Variants in TMTC2 observed in about 807,000 individuals in gnomAD.
TMTC2 encodes the protein transmembrane O-mannosyltransferase targeting cadherins 2.
A neutral mutation model predicts 82.4 loss-of-function variants in TMTC2; 43 were observed. The observed-to-expected ratio is 0.52, with a 90% confidence interval of 0.41 to 0.67. TMTC2 has a LOEUF of 0.67. Ranked by LOEUF, TMTC2 falls within the 30% of genes least tolerant of loss-of-function variation. The probability of loss-of-function intolerance (pLI) is 0.00; values close to 1 mark genes in which losing one functional copy is unlikely to be tolerated. For synonymous variants in TMTC2, 408 were observed against 381.9 expected (o/e 1.07, Z -0.80); for missense variants, 919 against 1,012.4 (o/e 0.91, Z 1.25).
At chr12:82,942,059 T>C (rs532058455) in intron 4 of TMTC2, among the ~76,000 whole-genome samples, 7 of 152,328 alleles carry the variant, frequency 4.6e-5, no homozygotes, top group African/African-American at 1.7e-4. Context: ...GATTTTGAAA[T>C]ATAGTCTTAC....
At chr12:83,081,675 A>G (rs1883474399) in intron 11 of TMTC2, among the ~76,000 whole-genome samples, 3 of 152,212 alleles carry the variant, frequency 2.0e-5, no homozygotes, top group South Asian at 4.1e-4. Context: ...TCCCCTACAT[A>G]TAGATAAAGC....
intron 1 of TMTC2, among the ~76,000 whole-genome samples, chr12:82,729,702 G>A (rs1874666616): frequency 2.0e-5 from 3 of 152,220 alleles, no homozygotes; most frequent in African/African-American, 7.2e-5. Flanking sequence ...GATGTGGGTG[G>A]GGCCAGATAG....
Position 82,947,544 on chromosome 12 carries a change from G to GTTAGCCAGGA in TMTC2, c.1598+17000_1598+17001insTAGCCAGGAT, listed in dbSNP as rs1565822887. Among the ~76,000 whole-genome samples, 77 of 146,438 alleles carry GTTAGCCAGGA rather than the reference G, an allele frequency of 5.3e-4. 1 individual carries two copies. The highest frequency in any genetic ancestry group is 2.1e-3 in the African/African-American group (75 of 36,572). ...TTTTTAGTAGAGACGGGGTTTCACCGTGGTCTCGATCTCCTGACCTGGTGA... is the reference window on the plus strand; with the variant it reads ...TTTTTAGTAGAGACGGGGTTTCACCGTTAGCCAGGATGGTCTCGATCTCCTGACCTGGTGA... On this transcript the variant is annotated intron_variant, in intron 4 of 11. Coordinates refer to ENST00000321196, the MANE Select transcript of TMTC2 (RefSeq NM_152588.3).
At chr12:82,755,876 A>C (rs1200243403) in intron 1 of TMTC2, among the ~76,000 whole-genome samples, 2 of 151,984 alleles carry the variant, frequency 1.3e-5, no homozygotes, top group African/African-American at 4.8e-5. Flanking sequence ...AAAATAAAAT[A>C]GGGGTTTTTA....
chr12:82,743,834 G>A (rs1193601037), intron 1 of TMTC2, among the ~76,000 whole-genome samples: 7 of 152,084 alleles, frequency 4.6e-5, no homozygotes, highest in African/African-American at 1.7e-4. Context: ...TGACTCTGTT[G>A]TCCTAATGCA....
At chr12:82,711,168 A>G (rs1873600392) in intron 1 of TMTC2, among the ~76,000 whole-genome samples, 1 of 152,192 alleles carries the variant, frequency 6.6e-6, no homozygotes, top group African/African-American at 2.4e-5. Flanking sequence ...TTGGGCTTTC[A>G]CCTCTGTAAA....
intron 10 of TMTC2, among the ~76,000 whole-genome samples, chr12:83,059,005 A>T (rs998385055): frequency 1.1e-4 from 17 of 151,952 alleles, no homozygotes; most frequent in Middle Eastern, 3.4e-3. Flanking sequence ...GAAATAATCT[A>T]TTCCTGGATA....
At chr12:82,807,021 T>C (rs992950487) in intron 1 of TMTC2, among the ~76,000 whole-genome samples, 1 of 152,160 alleles carries the variant, frequency 6.6e-6, no homozygotes, top group Non-Finnish European at 1.5e-5. Context: ...GCTCCTAACA[T>C]GTACGATTGA....
At chr12:83,032,240 ATAT>A (rs1881457233) in intron 9 of TMTC2, among the ~76,000 whole-genome samples, 1 of 143,444 alleles carries the variant, frequency 7.0e-6, no homozygotes, top group African/African-American at 2.6e-5. Flanking sequence ...GTTTCCTATA[ATAT>A]TATAGAGAAT....
intron 8 of TMTC2, among the ~76,000 whole-genome samples, chr12:82,989,605 T>G (rs1879314661): frequency 1.3e-5 from 2 of 152,080 alleles, no homozygotes; most frequent in South Asian, 2.1e-4. Flanking sequence ...AAATTAAACT[T>G]AAATTTCCAT....
intron 1 of TMTC2, among the ~76,000 whole-genome samples, chr12:82,711,667 A>T (rs900127175): frequency 2.0e-5 from 3 of 152,208 alleles, no homozygotes; most frequent in Non-Finnish European, 4.4e-5. Flanking sequence ...AAAAAAAATG[A>T]AAACAGATGG....
At chr12:82,839,233 A>G (rs2137086995) in intron 1 of TMTC2, among the ~76,000 whole-genome samples, 1 of 152,302 alleles carries the variant, frequency 6.6e-6, no homozygotes, top group East Asian at 1.9e-4. Flanking sequence ...CAGAGGGGAA[A>G]CCATTAGAAG....
intron 11 of TMTC2, among the ~76,000 whole-genome samples, chr12:83,065,820 A>T (rs975660231): frequency 1.1e-4 from 16 of 151,972 alleles, no homozygotes; most frequent in Non-Finnish European, 1.5e-5. Flanking sequence ...GCATTAACTT[A>T]TGGATTTTTA....
intron 1 of TMTC2, among the ~76,000 whole-genome samples, chr12:82,762,755 TAA>T (rs1876722324): frequency 6.6e-6 from 1 of 152,212 alleles, no homozygotes. Flanking sequence ...CTGTGAATTT[TAA>T]AAGTGGATAT....
At chr12:82,860,020 C>T (rs867329293) in intron 2 of TMTC2, among the ~76,000 whole-genome samples, 1 of 152,136 alleles carries the variant, frequency 6.6e-6, no homozygotes, top group Non-Finnish European at 1.5e-5. Flanking sequence ...GTCGCCTAGG[C>T]TGGAGTGCAG....
At chr12:82,988,083 T>G (rs1054557451) in intron 8 of TMTC2, among the ~76,000 whole-genome samples, 3 of 152,160 alleles carry the variant, frequency 2.0e-5, no homozygotes, top group Non-Finnish European at 4.4e-5. Context: ...TGCATAAAAG[T>G]ACTGGGCAAA....
intron 4 of TMTC2, among the ~76,000 whole-genome samples, chr12:82,957,956 A>G (rs1877704400): frequency 6.6e-6 from 1 of 152,138 alleles, no homozygotes; most frequent in Admixed American, 6.6e-5. Flanking sequence ...TGTACAAAGA[A>G]CTGGTACTAA....
intron 1 of TMTC2, among the ~76,000 whole-genome samples, chr12:82,762,169 A>G (rs993052901): frequency 2.0e-5 from 3 of 152,068 alleles, no homozygotes; most frequent in African/African-American, 7.2e-5. Flanking sequence ...GGGTTTCACC[A>G]TGTTAGCCAG....
At chr12:83,083,765 A>T (rs1220234497) in intron 11 of TMTC2, among the ~76,000 whole-genome samples, 1 of 152,182 alleles carries the variant, frequency 6.6e-6, no homozygotes, top group Non-Finnish European at 1.5e-5. Flanking sequence ...CAATAAAACT[A>T]GGGCTCTAAA....
Sources: gnomAD v4.1 joint callset for allele counts (sites outside exome capture counted in the v4.1 genomes callset) on GRCh38, gnomAD v4.1.1 for gene constraint, MANE v1.5 for transcripts, NCBI Gene and HGNC (gene_info 2026-07-23, HGNC 2026-07-21) for gene names.